The following NDST3 variants were observed in gnomAD, a reference collection of about 807,000 sequenced individuals.
NDST3 encodes N-deacetylase and N-sulfotransferase 3.
A neutral mutation model predicts 96.1 loss-of-function variants in NDST3; 58 were observed. The observed-to-expected ratio is 0.60, with a 90% confidence interval of 0.49 to 0.75. The LOEUF (loss-of-function observed/expected upper bound fraction) is 0.75. NDST3 is among the 30% of genes least tolerant of loss of function. NDST3 has a pLI of 0.00. For missense variants in NDST3, 788 were observed against 1,034.2 expected (o/e 0.76, Z 3.27); for synonymous variants, 333 against 359.7 (o/e 0.93, Z 0.84).
intron 1 of NDST3, among the ~76,000 whole-genome samples, chr4:118,048,986 T>C (rs2110437857): frequency 6.6e-6 from 1 of 152,178 alleles, no homozygotes; most frequent in East Asian, 1.9e-4. Flanking sequence ...ACGAAGGAAG[T>C]CTCAATAAAT....
chr4:118,074,956 G>A (rs1164323297), intron 2 of NDST3, among the ~76,000 whole-genome samples: 1 of 151,954 alleles, frequency 6.6e-6, no homozygotes, highest in Non-Finnish European at 1.5e-5. Flanking sequence ...CCACATGCAG[G>A]TTAGTTACAT....
chr4:118,185,689 G>C lies in NDST3; in HGVS notation c.1540-38802G>C, dbSNP rs143859755. Among the ~76,000 whole-genome samples, 1,480 of 152,154 alleles carry C rather than the reference G, an allele frequency of 9.7e-3. 14 individuals carry two copies. The highest frequency in any genetic ancestry group is 0.015 in the Non-Finnish European group (991 of 68,002). On this transcript the variant is annotated intron_variant, in intron 6 of 13. Coordinates refer to ENST00000296499, the MANE Select transcript of NDST3 (RefSeq NM_004784.3). ...GTGATGTACAGAACATGGAAGTGGG[G>C]TACAGAAACAGCCAGATTGGTTGGT...
At chr4:118,064,311 T>C (rs1443518019) in intron 2 of NDST3, among the ~76,000 whole-genome samples, 2 of 152,186 alleles carry the variant, frequency 1.3e-5, no homozygotes, top group Admixed American at 6.6e-5. Context: ...TTCTGACATA[T>C]TGTCACTTAG....
chr4:118,220,043 T>G (rs146465314), intron 6 of NDST3, among the ~76,000 whole-genome samples: 1 of 151,940 alleles, frequency 6.6e-6, no homozygotes, highest in Non-Finnish European at 1.5e-5. Context: ...GTTCAACCAT[T>G]GTGGAAGACA....
Position 118,064,795 on chromosome 4 carries a change from C to T in NDST3, c.981+9904C>T, listed in dbSNP as rs80136819. On this transcript the variant is annotated intron_variant, in intron 2 of 13. Transcript: ENST00000296499. ...TGAAGGTCAGACATCCAACATGGGT[C>T]TTACTGAGCTAAGTTCAAGATGTCC... Among the ~76,000 whole-genome samples the T allele has an allele frequency of 1.7e-3, 265 of 152,264 alleles. 11 individuals carry two copies. In the East Asian group the frequency reaches 0.041, roughly 23 times the overall value.
chr4:118,120,994 C>T lies in NDST3; in HGVS notation c.1224+6034C>T, dbSNP rs909010605. 4.6e-5 allele frequency among the ~76,000 whole-genome samples: 7 copies of T among 151,276 alleles called. No individual in the cohort carries two copies. The East Asian group carries it at 1.2e-3, about 25-fold the overall frequency. On this transcript the variant is annotated intron_variant, in intron 4 of 13. Transcript: ENST00000296499. ...CTCTGTCCATGAGCCATTTATTAAA[C>T]CTTCAAGTATTTATTTTTATCCAGT...
chr4:118,231,313 G>A (rs1307472343), intron 8 of NDST3, among the ~76,000 whole-genome samples: 1 of 149,094 alleles, frequency 6.7e-6, no homozygotes, highest in African/African-American at 2.4e-5. Flanking sequence ...TCCAGCCTGG[G>A]CAACAGAGCA....
At chr4:118,149,036 C>G (rs373301649) in intron 6 of NDST3, among the ~76,000 whole-genome samples, 1 of 151,668 alleles carries the variant, frequency 6.6e-6, no homozygotes, top group Non-Finnish European at 1.5e-5. Flanking sequence ...GCTTGTTTTT[C>G]TCAGGTTTGT....
chr4:118,167,370 G>C (rs939114244), intron 6 of NDST3, among the ~76,000 whole-genome samples: 3 of 151,778 alleles, frequency 2.0e-5, no homozygotes, highest in Non-Finnish European at 4.4e-5. Context: ...TAAGCAACTT[G>C]TACACTGAAA....
intron 2 of NDST3, among the ~76,000 whole-genome samples, chr4:118,097,392 A>G (rs1162539845): frequency 6.6e-6 from 1 of 151,998 alleles, no homozygotes; most frequent in Non-Finnish European, 1.5e-5. Flanking sequence ...AGAAGTGAAC[A>G]CTAAAGATTT....
At chr4:118,051,412 C>G (rs1313647691) in intron 1 of NDST3, among the ~76,000 whole-genome samples, 1 of 152,072 alleles carries the variant, frequency 6.6e-6, no homozygotes, top group African/African-American at 2.4e-5. Context: ...CTAGTGGGAC[C>G]TAATTAAACT....
intron 4 of NDST3, among the ~76,000 whole-genome samples, chr4:118,121,012 T>C (rs1731519952): frequency 6.6e-6 from 1 of 151,186 alleles, no homozygotes; most frequent in African/African-American, 2.4e-5. Context: ...TATTTATTTT[T>C]ATCCAGTTGA....
At chr4:118,194,920 A>T (rs1356280914) in intron 6 of NDST3, among the ~76,000 whole-genome samples, 1 of 152,162 alleles carries the variant, frequency 6.6e-6, no homozygotes, top group Non-Finnish European at 1.5e-5. Flanking sequence ...ATTTGAAGTC[A>T]GGTAATGTGA....
intron 2 of NDST3, among the ~76,000 whole-genome samples, chr4:118,088,610 T>C (rs1728620757): frequency 6.6e-6 from 1 of 152,138 alleles, no homozygotes; most frequent in African/African-American, 2.4e-5. Context: ...ACATAACCCA[T>C]AGTAGCAAGC....
At chr4:118,233,407 G>T (rs1740438335) in intron 9 of NDST3, among the ~76,000 whole-genome samples, 1 of 152,026 alleles carries the variant, frequency 6.6e-6, no homozygotes, top group Non-Finnish European at 1.5e-5. Flanking sequence ...TAAGTCAGAA[G>T]AATAGCATAA....
chr4:118,129,667 T>G (rs1263291055), intron 4 of NDST3, among the ~76,000 whole-genome samples: 2 of 152,060 alleles, frequency 1.3e-5, no homozygotes, highest in East Asian at 1.9e-4. Flanking sequence ...TCTGTAGCCT[T>G]TGGTTGAAAT....
intron 2 of NDST3, among the ~76,000 whole-genome samples, chr4:118,076,667 C>T (rs2389512): frequency 0.75 from 114,496 of 152,052 alleles, 45,763 homozygotes; most frequent in South Asian, 0.92. Flanking sequence ...TTTCTTAAAA[C>T]GGCTGTTTTA....
At position 118,193,688 on chromosome 4, in the gene NDST3, G is replaced by T. The variant is rs1378311716; in HGVS notation, c.1540-30803G>T. The T allele has an allele frequency of 8.4e-6, 11 of 1,305,668 alleles. No individual in the cohort carries two copies. In the Admixed American group the frequency reaches 1.7e-4, roughly 20 times the overall value. The allele number at this position is 1,305,668 out of a possible 1,614,324, so 80.9% of individuals were successfully genotyped here. A position where few individuals can be genotyped will look rare whatever the true frequency, so the allele number is the denominator to read the frequency against. On this transcript the variant is annotated intron_variant, in intron 6 of 13. Transcript: ENST00000296499. ...CTGTGCCAGTTCAAAGTCATTCACA[G>T]CCAGGTGGGCCTCTCCCCAATGGAA...
intron 6 of NDST3, among the ~76,000 whole-genome samples, chr4:118,144,640 C>T (rs1052105058): frequency 6.6e-6 from 1 of 151,994 alleles, no homozygotes; most frequent in Non-Finnish European, 1.5e-5. Flanking sequence ...TTTTGAAAAT[C>T]ACTATCATAA....
Sources: allele counts gnomAD v4.1 joint callset (sites outside exome capture counted in the v4.1 genomes callset), GRCh38; gene constraint gnomAD v4.1.1; transcripts MANE v1.5; gene names NCBI Gene and HGNC (gene_info 2026-07-23, HGNC 2026-07-21).